Variants in XRCC5 observed in about 807,000 individuals in gnomAD.
XRCC5 encodes X-ray repair cross complementing 5, also known as DNA repair protein Ku80.
A neutral mutation model predicts 95.7 loss-of-function variants in XRCC5; 12 were observed. The ratio of observed to expected loss-of-function variants is 0.13; its 90% confidence interval spans 0.08 to 0.20. The LOEUF is 0.20. XRCC5 is among the 10% of genes least tolerant of loss of function. The pLI is 1.00. For synonymous variants in XRCC5, 281 were observed against 290.3 expected, an observed-to-expected ratio of 0.97 and a Z score of 0.33; for missense variants, 595 against 873.9, an observed-to-expected ratio of 0.68 and a Z score of 4.02.
At chr2:216,148,598 T>A (rs1306829466) in intron 14 of XRCC5, among the ~76,000 whole-genome samples, 1 of 152,206 alleles carries the variant, frequency 6.6e-6, no homozygotes, top group African/African-American at 2.4e-5. Flanking sequence ...TGTCACCCTT[T>A]TTAAAGTAAA....
chr2:216,139,604 T>G (rs1697142981), intron 12 of XRCC5, among the ~76,000 whole-genome samples: 1 of 152,206 alleles, frequency 6.6e-6, no homozygotes, highest in South Asian at 2.1e-4. Context: ...CAATTCTGGC[T>G]CAAGCAATCC....
At chr2:216,167,823 TA>T (rs1253197222) in intron 16 of XRCC5, among the ~76,000 whole-genome samples, 1 of 152,186 alleles carries the variant, frequency 6.6e-6, no homozygotes, top group African/African-American at 2.4e-5. Context: ...TCTTTAGCCC[TA>T]TAAAAGTTTT....
At chr2:216,184,331 C>T (rs1484243911) in intron 16 of XRCC5, among the ~76,000 whole-genome samples, 2 of 152,144 alleles carry the variant, frequency 1.3e-5, no homozygotes, top group African/African-American at 2.4e-5. Context: ...TATAGAAATA[C>T]AGCTTTTATC....
Position 216,138,249 on chromosome 2 carries a change from G to A in XRCC5, c.1342+70G>A, listed in dbSNP as rs1697120370. The stretch of plus-strand genomic sequence containing the variant: ...TTCTTGGGAAATCACCTGTCTGCTA[G>A]TTGTTGGTTGGGGCTAGGTATTTAT... On this transcript the variant is annotated intron_variant, in intron 12 of 20. Coordinates refer to ENST00000392132, the MANE Select transcript of XRCC5 (RefSeq NM_021141.4). 4 of 1,405,846 alleles carry A rather than the reference G, an allele frequency of 2.8e-6. No homozygotes were observed. In the South Asian group the frequency reaches 3.5e-5, roughly 12 times the overall value. 87.1% of individuals were successfully genotyped at this position (1,405,846 alleles called of 1,614,324 possible). A position where few individuals can be genotyped will look rare whatever the true frequency, so the allele number is the denominator to read the frequency against.
intron 13 of XRCC5, among the ~76,000 whole-genome samples, chr2:216,142,753 G>C (rs1215026314): frequency 6.6e-6 from 1 of 152,150 alleles, no homozygotes; most frequent in Non-Finnish European, 1.5e-5. Context: ...ACTAACTTAA[G>C]TCCATATTGG....
intron 2 of XRCC5, among the ~76,000 whole-genome samples, chr2:216,115,986 T>G (rs1424669638): frequency 1.3e-5 from 2 of 152,260 alleles, no homozygotes; most frequent in African/African-American, 2.4e-5. Context: ...GTAAATGGTT[T>G]TATATGCTAC....
intron 14 of XRCC5, among the ~76,000 whole-genome samples, chr2:216,159,628 T>C (rs1213182141): frequency 6.6e-6 from 1 of 152,146 alleles, no homozygotes; most frequent in Admixed American, 6.5e-5. Flanking sequence ...AGAAAACGGG[T>C]TGTTAGACAC....
At chr2:216,173,184 ACTT>A (rs769170883) in intron 16 of XRCC5, among the ~76,000 whole-genome samples, 13 of 151,942 alleles carry the variant, frequency 8.6e-5, no homozygotes, top group South Asian at 2.1e-4. Flanking sequence ...AGAAAGCTTT[ACTT>A]CTTCTTTTAT....
At chr2:216,113,990 A>G (rs1696639294) in intron 2 of XRCC5, among the ~76,000 whole-genome samples, 1 of 152,158 alleles carries the variant, frequency 6.6e-6, no homozygotes, top group African/African-American at 2.4e-5. Context: ...TGATAAAAAG[A>G]GTAGCCTGCA....
intron 15 of XRCC5, 92 bp downstream of exon 15, chr2:216,160,253 A>G (rs1688926877): frequency 2.6e-6 from 2 of 779,456 alleles, no homozygotes; most frequent in African/African-American, 1.8e-5. Context: ...CGTTCTTACC[A>G]CTTTCAAGTT....
At chr2:216,131,780 C>T (rs188100148) in intron 9 of XRCC5, among the ~76,000 whole-genome samples, 1 of 152,294 alleles carries the variant, frequency 6.6e-6, no homozygotes, top group East Asian at 1.9e-4. Context: ...TAATTTTTCA[C>T]CTTTCCTCTC....
At position 216,172,469 on chromosome 2, in the gene XRCC5, C is replaced by CTTTTTTTTTTTTTTTTTTTTTTTT. The variant is rs746493174; in HGVS notation, c.1834+10438_1834+10439insTTTTTTTTTTTTTTTTTTTTTTTT. The stretch of plus-strand genomic sequence containing the variant: ...AAACTTTAGCATCAGCTTTTCTTTT[C>CTTTTTTTTTTTTTTTTTTTTTTTT]TTTTTTTTTTTTTTTTTGAGACAAA... On this transcript the variant is annotated intron_variant, in intron 16 of 20. Coordinates refer to ENST00000392132, the MANE Select transcript of XRCC5 (RefSeq NM_021141.4). Among the ~76,000 whole-genome samples the CTTTTTTTTTTTTTTTTTTTTTTTT allele has an allele frequency of 1.2e-3, 131 of 107,734 alleles. 13 individuals are homozygous for CTTTTTTTTTTTTTTTTTTTTTTTT. The highest frequency in any genetic ancestry group is 3.6e-3 in the South Asian group (10 of 2,780). The allele number at this position is 107,734 out of a possible 152,430, so 70.7% of individuals were successfully genotyped here.
intron 19 of XRCC5, among the ~76,000 whole-genome samples, chr2:216,202,450 G>A (rs982911197): frequency 1.3e-5 from 2 of 152,158 alleles, no homozygotes; most frequent in African/African-American, 2.4e-5. Context: ...TAAATCATAT[G>A]CTAGTAAATG....
intron 2 of XRCC5, among the ~76,000 whole-genome samples, chr2:216,115,980 A>G (rs1156777610): frequency 6.6e-6 from 1 of 152,180 alleles, no homozygotes; most frequent in Non-Finnish European, 1.5e-5. Context: ...AAAAGTGTAA[A>G]TGGTTTTATA....
intron 8 of XRCC5, among the ~76,000 whole-genome samples, chr2:216,128,496 T>C (rs370209613): frequency 1.3e-5 from 2 of 152,208 alleles, no homozygotes; most frequent in African/African-American, 2.4e-5. Context: ...ATGTAGAATA[T>C]AATTAATACC....
chr2:216,149,246 G>T (rs1574466583), intron 14 of XRCC5, among the ~76,000 whole-genome samples: 1 of 151,932 alleles, frequency 6.6e-6, no homozygotes, highest in Non-Finnish European at 1.5e-5. Context: ...ATAGAAAGTT[G>T]TGCACATTCT....
At position 216,109,431 on chromosome 2, in the gene XRCC5, G is replaced by C. The variant is rs778373745; in HGVS notation, c.-6G>C. The C allele has an allele frequency of 1.9e-6, 3 of 1,613,994 alleles. No individual in the cohort carries two copies. The highest frequency in any genetic ancestry group is 2.5e-6 in the Non-Finnish European group (3 of 1,179,944). ...GAAGCGACCAAAGCGCCTGAGGACC[G>C]GCAACATGGTGCGGTCGGGGAATAA... On this transcript the variant is annotated 5_prime_UTR_variant, in exon 1 of 21. Coordinates refer to ENST00000392132, the MANE Select transcript of XRCC5 (RefSeq NM_021141.4).
rs556575241 is a variant in XRCC5, at chr2:216,199,712, G to A, written c.2110-4610G>A. The stretch of plus-strand genomic sequence containing the variant: ...GTCTGAGAGCTCACAGTAAGTCACC[G>A]GCCAGGAATCTAGTTCTAGCACTGC... On this transcript the variant is annotated intron_variant, in intron 19 of 20. Transcript: ENST00000392132. Among the ~76,000 whole-genome samples, 4 of 151,922 alleles carry A rather than the reference G, an allele frequency of 2.6e-5. No individual in the cohort carries two copies. The East Asian group carries it at 7.7e-4, about 29-fold the overall frequency.
chr2:216,139,262 C>T (rs1367055770), intron 12 of XRCC5, among the ~76,000 whole-genome samples: 1 of 151,924 alleles, frequency 6.6e-6, no homozygotes, highest in Non-Finnish European at 1.5e-5. Context: ...CATTTTCATA[C>T]TGCTGATAAA....
Sources: allele counts gnomAD v4.1 joint callset (sites outside exome capture counted in the v4.1 genomes callset), GRCh38; gene constraint gnomAD v4.1.1; transcripts MANE v1.5; gene names NCBI Gene and HGNC (gene_info 2026-07-23, HGNC 2026-07-21).